The following NDST3 variants were observed in gnomAD, a reference collection of about 807,000 sequenced individuals.
NDST3 encodes N-deacetylase and N-sulfotransferase 3, also known as bifunctional heparan sulfate N-deacetylase/N-sulfotransferase 3.
In NDST3, 58 loss-of-function variants were observed where a neutral mutation model predicts 96.1. The ratio of observed to expected loss-of-function variants is 0.60; its 90% CI spans 0.49 to 0.75. NDST3 has a LOEUF of 0.75. Among genes scored for constraint, NDST3 ranks in the 30% least tolerant of loss-of-function variants. The pLI, the probability that NDST3 is intolerant of heterozygous loss-of-function variation, is 0.00. For synonymous variants in NDST3, 333 were observed against 359.7 expected, an observed-to-expected ratio of 0.93 and a Z score of 0.84; for missense variants, 788 against 1,034.2, an observed-to-expected ratio of 0.76 and a Z score of 3.27.
At chr4:118,072,244 T>G (rs1319063442) in intron 2 of NDST3, among the ~76,000 whole-genome samples, 2 of 151,722 alleles carry the variant, frequency 1.3e-5, no homozygotes, top group East Asian at 1.9e-4. Context: ...ATTTTTAGAG[T>G]TTTTTTTCTA....
At chr4:118,124,426 C>A (rs1190726866) in intron 4 of NDST3, among the ~76,000 whole-genome samples, 3 of 151,938 alleles carry the variant, frequency 2.0e-5, no homozygotes, top group African/African-American at 7.2e-5. Flanking sequence ...TGTTTATATC[C>A]TTCATGCTGG....
chr4:118,088,946 T>A (rs1311282510), intron 2 of NDST3, among the ~76,000 whole-genome samples: 1 of 151,910 alleles, frequency 6.6e-6, no homozygotes, highest in Non-Finnish European at 1.5e-5. Context: ...AATTGTAGGT[T>A]TCTAGGTCTA....
intron 9 of NDST3, among the ~76,000 whole-genome samples, chr4:118,236,484 G>A (rs1366880140): frequency 6.6e-6 from 1 of 152,150 alleles, no homozygotes; most frequent in Non-Finnish European, 1.5e-5. Context: ...AGGAACATAA[G>A]TGGCTCTATA....
intron 6 of NDST3, among the ~76,000 whole-genome samples, chr4:118,184,511 C>T (rs768950224): frequency 6.6e-6 from 1 of 151,916 alleles, no homozygotes; most frequent in East Asian, 1.9e-4. Context: ...CTTACCAAGT[C>T]TCTATAGTCA....
At chr4:118,205,156 C>A (rs1738351478) in intron 6 of NDST3, among the ~76,000 whole-genome samples, 1 of 144,006 alleles carries the variant, frequency 6.9e-6, no homozygotes, top group Non-Finnish European at 1.5e-5. Context: ...CAGGCCTTAT[C>A]TTCCACTTTA....
At chr4:118,124,798 C>G (rs1442382360) in intron 4 of NDST3, among the ~76,000 whole-genome samples, 1 of 152,032 alleles carries the variant, frequency 6.6e-6, no homozygotes, top group Admixed American at 6.6e-5. Context: ...TTATAAGTTG[C>G]TATAATGCCA....
At chr4:118,192,672 T>G (rs1482540381) in intron 6 of NDST3, among the ~76,000 whole-genome samples, 1 of 152,118 alleles carries the variant, frequency 6.6e-6, no homozygotes, top group Non-Finnish European at 1.5e-5. Context: ...AACATGCTGT[T>G]TTGGTTACTA....
chr4:118,082,209 G>C (rs1169369133), intron 2 of NDST3, among the ~76,000 whole-genome samples: 1 of 152,086 alleles, frequency 6.6e-6, no homozygotes, highest in Admixed American at 6.6e-5. Context: ...TAAATTAACT[G>C]TATCTTTTGC....
At chr4:118,141,304 T>C (rs1733555267) in intron 5 of NDST3, among the ~76,000 whole-genome samples, 1 of 150,500 alleles carries the variant, frequency 6.6e-6, no homozygotes, top group Admixed American at 6.6e-5. Flanking sequence ...TTCCGTAGCA[T>C]AAGAAAGCTG....
intron 2 of NDST3, among the ~76,000 whole-genome samples, chr4:118,082,501 T>G (rs1480741265): frequency 6.6e-6 from 1 of 152,220 alleles, no homozygotes; most frequent in Admixed American, 6.5e-5. Flanking sequence ...AGATGAACTC[T>G]AAGCTTAGGG....
At chr4:118,070,908 T>A (rs538802585) in intron 2 of NDST3, among the ~76,000 whole-genome samples, 1 of 152,100 alleles carries the variant, frequency 6.6e-6, no homozygotes, top group African/African-American at 2.4e-5. Flanking sequence ...TTTGGTTTTT[T>A]GTCCTTGCGA....
intron 4 of NDST3, among the ~76,000 whole-genome samples, chr4:118,115,450 T>C (rs770201363): frequency 2.0e-5 from 3 of 152,092 alleles, no homozygotes; most frequent in Non-Finnish European, 4.4e-5. Flanking sequence ...ATCTTCGGGA[T>C]CAGGATTAAT....
At chr4:118,136,817 C>G (rs1211422984) in intron 4 of NDST3, among the ~76,000 whole-genome samples, 1 of 151,916 alleles carries the variant, frequency 6.6e-6, no homozygotes, top group Non-Finnish European at 1.5e-5. Context: ...CAGTATACAG[C>G]AATGACATGA....
At chr4:118,133,376 C>G (rs1732797695) in intron 4 of NDST3, among the ~76,000 whole-genome samples, 1 of 152,164 alleles carries the variant, frequency 6.6e-6, no homozygotes, top group Non-Finnish European at 1.5e-5. Flanking sequence ...TAAAGTCCCC[C>G]TGTCACTGTG....
intron 6 of NDST3, among the ~76,000 whole-genome samples, chr4:118,218,512 C>T (rs926943288): frequency 1.3e-5 from 2 of 151,892 alleles, no homozygotes; most frequent in African/African-American, 4.8e-5. Flanking sequence ...TTAAAAACTC[C>T]CAATAAATGA....
chr4:118,101,802 G>A lies in NDST3; in HGVS notation c.982-3216G>A, dbSNP rs1315301045. Among the ~76,000 whole-genome samples the A allele has an allele frequency of 1.2e-4, 18 of 152,056 alleles. 1 individual carries two copies. The highest frequency in any genetic ancestry group is 1.1e-3 in the Admixed American group (17 of 15,258). ...TAAGTATGTGTTGATACACAGAGCA[G>A]TATTTATATTAGTCAAAAAAGTAAA... On this transcript the variant is annotated intron_variant, in intron 2 of 13. Transcript: ENST00000296499.
At chr4:118,207,124 A>G (rs374844083) in intron 6 of NDST3, among the ~76,000 whole-genome samples, 1 of 137,342 alleles carries the variant, frequency 7.3e-6, no homozygotes, top group South Asian at 2.5e-4. Context: ...TGTTTTAAAA[A>G]TAAAAGAAAA....
chr4:118,246,176 G>A (rs1741298202), intron 12 of NDST3, among the ~76,000 whole-genome samples: 1 of 152,102 alleles, frequency 6.6e-6, no homozygotes, highest in African/African-American at 2.4e-5. Context: ...ATAAAGATAT[G>A]CAAATTAAAA....
chr4:118,055,499 G>C (rs1261463004), intron 2 of NDST3: 2 of 152,378 alleles, frequency 1.3e-5, no homozygotes, highest in Admixed American at 1.3e-4. Context: ...AGCCAATCAT[G>C]CCAAATTTAA....
Sources: allele counts gnomAD v4.1 joint callset (sites outside exome capture counted in the v4.1 genomes callset), GRCh38; gene constraint gnomAD v4.1.1; transcripts MANE v1.5; gene names NCBI Gene and HGNC (gene_info 2026-07-23, HGNC 2026-07-21).